LRRC4C: variants seen among roughly 807,000 people sequenced by gnomAD.
LRRC4C encodes the protein leucine-rich repeat-containing protein 4C.
In LRRC4C, 5 loss-of-function variants were observed where a neutral mutation model predicts 33.6. That is an observed-to-expected ratio of 0.15 (90% confidence interval 0.08 to 0.31). The LOEUF (loss-of-function observed/expected upper bound fraction) is 0.31, where lower values mean the gene tolerates loss of function less well. LRRC4C is among the 10% of genes least tolerant of loss of function. LRRC4C has a pLI of 1.00. For missense variants in LRRC4C, 560 were observed against 796.7 expected, an observed-to-expected ratio of 0.70 and a Z score of 3.58; for synonymous variants, 329 against 302.0, an observed-to-expected ratio of 1.09 and a Z score of -0.93.
chr11:40,972,353 T>C (rs1239359594), intron 1 of LRRC4C, among the ~76,000 whole-genome samples: 2 of 152,064 alleles, frequency 1.3e-5, no homozygotes, highest in Non-Finnish European at 2.9e-5. Context: ...GCCAGGCTGG[T>C]CTTGAACTCC....
At chr11:40,846,353 G>A (rs1953171629) in intron 2 of LRRC4C, among the ~76,000 whole-genome samples, 1 of 152,238 alleles carries the variant, frequency 6.6e-6, no homozygotes. Context: ...GTTAATGTTT[G>A]TATGAGGTGT....
chr11:40,688,323 CT>C (rs1945060701), intron 2 of LRRC4C, among the ~76,000 whole-genome samples: 1 of 152,118 alleles, frequency 6.6e-6, no homozygotes, highest in South Asian at 2.1e-4. Flanking sequence ...TTAGCTTTAC[CT>C]GTGAATTTAG....
intron 1 of LRRC4C, among the ~76,000 whole-genome samples, chr11:41,289,765 C>T (rs1949939672): frequency 6.6e-6 from 1 of 152,044 alleles, no homozygotes; most frequent in Non-Finnish European, 1.5e-5. Flanking sequence ...TTTGGCAGCC[C>T]TAGCATACTA....
intron 1 of LRRC4C, among the ~76,000 whole-genome samples, chr11:41,459,197 A>G (rs1564967182): frequency 6.6e-6 from 1 of 152,148 alleles, no homozygotes; most frequent in Non-Finnish European, 1.5e-5. Context: ...TGAAAATGTT[A>G]GATAAACAAG....
Position 40,911,021 on chromosome 11 carries a change from A to G in LRRC4C, c.-407+22614T>C, listed in dbSNP as rs528732800. On this transcript the variant is annotated intron_variant, in intron 2 of 6. Coordinates refer to ENST00000528697, the MANE Select transcript of LRRC4C (RefSeq NM_001258419.2). Reference sequence around the variant, plus strand: ...GGGAGGGGCGCCTGCCATTGCCGAGACTTGAGTAGGTAAACAAAGCTGCTG... The same window carrying G: ...GGGAGGGGCGCCTGCCATTGCCGAGGCTTGAGTAGGTAAACAAAGCTGCTG... Among the ~76,000 whole-genome samples, 313 of 152,296 alleles carry G rather than the reference A, an allele frequency of 2.1e-3. 6 individuals carry two copies. The highest frequency in any genetic ancestry group is 6.5e-4 in the Non-Finnish European group (44 of 68,036).
At chr11:40,723,050 T>A (rs1311739824) in intron 2 of LRRC4C, among the ~76,000 whole-genome samples, 1 of 151,586 alleles carries the variant, frequency 6.6e-6, no homozygotes, top group Admixed American at 6.6e-5. Flanking sequence ...CAGACAAAAA[T>A]AAAGAAAAAA....
chr11:40,432,047 C>T (rs1022411052), intron 3 of LRRC4C, among the ~76,000 whole-genome samples: 53 of 152,162 alleles, frequency 3.5e-4, no homozygotes, highest in African/African-American at 1.3e-3. Context: ...CTACCAGTGA[C>T]TTGGTATAAA....
chr11:41,368,420 C>T (rs755819784), intron 1 of LRRC4C, among the ~76,000 whole-genome samples: 5 of 152,192 alleles, frequency 3.3e-5, no homozygotes, highest in Non-Finnish European at 7.3e-5. Flanking sequence ...GCCAGGACAT[C>T]CAACATCTCT....
chr11:40,911,395 C>T (rs554731137), intron 2 of LRRC4C, among the ~76,000 whole-genome samples: 10 of 152,288 alleles, frequency 6.6e-5, no homozygotes, highest in South Asian at 2.1e-4. Context: ...CACCAATATC[C>T]GCTGTTCTGC....
intron 1 of LRRC4C, among the ~76,000 whole-genome samples, chr11:41,250,261 A>G (rs1312526652): frequency 1.3e-5 from 2 of 152,200 alleles, no homozygotes; most frequent in East Asian, 1.9e-4. Context: ...TTGTTTCACA[A>G]AAGTTAGTGG....
At chr11:40,691,101 A>C (rs1327130278) in intron 2 of LRRC4C, among the ~76,000 whole-genome samples, 3 of 152,032 alleles carry the variant, frequency 2.0e-5, no homozygotes, top group Non-Finnish European at 4.4e-5. Context: ...TTTTATATGA[A>C]TGTGTTTGAT....
intron 3 of LRRC4C, among the ~76,000 whole-genome samples, chr11:40,537,299 C>T (rs1199695601): frequency 2.6e-5 from 4 of 152,166 alleles, no homozygotes; most frequent in African/African-American, 4.8e-5. Flanking sequence ...CCACCTGATT[C>T]AATCCTCACA....
At chr11:40,306,713 A>T (rs895009373) in intron 4 of LRRC4C, among the ~76,000 whole-genome samples, 2 of 152,206 alleles carry the variant, frequency 1.3e-5, no homozygotes, top group Non-Finnish European at 2.9e-5. Context: ...CTTCATGTGC[A>T]CTGTCATTTC....
chr11:40,590,495 G>A (rs576865724), intron 3 of LRRC4C, among the ~76,000 whole-genome samples: 145 of 152,112 alleles, frequency 9.5e-4, no homozygotes, highest in South Asian at 2.7e-3. Flanking sequence ...GTCATTCTCC[G>A]TCCAGCTTTT....
intron 2 of LRRC4C, among the ~76,000 whole-genome samples, chr11:40,731,096 G>A (rs1267520760): frequency 6.6e-6 from 1 of 152,132 alleles, no homozygotes; most frequent in African/African-American, 2.4e-5. Context: ...AAGGCAGGCG[G>A]ATCACGAGGT....
At chr11:40,704,879 T>G (rs1946071268) in intron 2 of LRRC4C, among the ~76,000 whole-genome samples, 1 of 152,150 alleles carries the variant, frequency 6.6e-6, no homozygotes, top group Non-Finnish European at 1.5e-5. Context: ...CTGTAAATAT[T>G]GAATTTAAAT....
At chr11:41,309,361 T>C (rs1481484971) in intron 1 of LRRC4C, among the ~76,000 whole-genome samples, 1 of 152,196 alleles carries the variant, frequency 6.6e-6, no homozygotes, top group Non-Finnish European at 1.5e-5. Context: ...CTGAGGATGG[T>C]GAAGAAGATA....
intron 3 of LRRC4C, among the ~76,000 whole-genome samples, chr11:40,638,304 A>G (rs1941889685): frequency 6.6e-6 from 1 of 152,086 alleles, no homozygotes; most frequent in African/African-American, 2.4e-5. Context: ...ATAGTGTTTG[A>G]CTCATGGGGA....
chr11:41,410,819 A>G (rs1450651876), intron 1 of LRRC4C, among the ~76,000 whole-genome samples: 1 of 152,048 alleles, frequency 6.6e-6, no homozygotes, highest in African/African-American at 2.4e-5. Flanking sequence ...CACATTATCA[A>G]CCTCAAAATA....
Sources: gnomAD v4.1 joint callset for allele counts (sites outside exome capture counted in the v4.1 genomes callset) on GRCh38, gnomAD v4.1.1 for gene constraint, MANE v1.5 for transcripts, NCBI Gene and HGNC (gene_info 2026-07-23, HGNC 2026-07-21) for gene names.